The following TTLL7 variants were observed in gnomAD, a reference collection of about 807,000 sequenced individuals.
TTLL7 encodes the protein tubulin tyrosine ligase like 7.
TTLL7 carries 53 observed loss-of-function variants against 120.2 expected under a neutral mutation model. The observed-to-expected ratio is 0.44, with a 90% CI of 0.35 to 0.55. The LOEUF (loss-of-function observed/expected upper bound fraction) is 0.55, where lower values mean the gene tolerates loss of function less well. Among genes scored for constraint, TTLL7 ranks in the 20% least tolerant of loss-of-function variants. TTLL7 has a pLI of 0.00. For missense variants in TTLL7, 803 were observed against 1,054.7 expected (o/e 0.76, Z 3.31); for synonymous variants, 353 against 351.7 (o/e 1.00, Z -0.04).
intron 1 of TTLL7, among the ~76,000 whole-genome samples, chr1:83,986,825 G>A (rs539306586): frequency 5.4e-4 from 82 of 152,048 alleles, no homozygotes; most frequent in African/African-American, 1.4e-3. Context: ...GGGCAACAAA[G>A]CAAGACTCCA....
intron 1 of TTLL7, among the ~76,000 whole-genome samples, chr1:83,991,997 T>C (rs1191791199): frequency 1.3e-5 from 2 of 152,118 alleles, no homozygotes; most frequent in Non-Finnish European, 2.9e-5. Flanking sequence ...AAAACCATAT[T>C]CACTTTTAAT....
intron 10 of TTLL7, among the ~76,000 whole-genome samples, chr1:83,921,841 C>G (rs1263471228): frequency 6.6e-6 from 1 of 152,068 alleles, no homozygotes; most frequent in Non-Finnish European, 1.5e-5. Context: ...TTCTTCAACC[C>G]AATTCCATTT....
chr1:83,927,077 T>C (rs1035408739), intron 10 of TTLL7, among the ~76,000 whole-genome samples: 4 of 152,204 alleles, frequency 2.6e-5, no homozygotes, highest in Admixed American at 2.0e-4. Context: ...TCTGATGCCC[T>C]CCATGTGAGA....
chr1:83,909,708 T>C (rs904164709), intron 15 of TTLL7, among the ~76,000 whole-genome samples: 10 of 152,166 alleles, frequency 6.6e-5, no homozygotes, highest in African/African-American at 2.4e-4. Context: ...TTGTCTGATA[T>C]CAATTTGTTA....
intron 18 of TTLL7, among the ~76,000 whole-genome samples, chr1:83,899,134 A>G (rs1027932524): frequency 6.6e-6 from 1 of 151,938 alleles, no homozygotes; most frequent in Non-Finnish European, 1.5e-5. Context: ...ATATTAAAGT[A>G]GTTACTCATG....
intron 8 of TTLL7, among the ~76,000 whole-genome samples, chr1:83,936,270 C>A (rs1647386387): frequency 6.6e-6 from 1 of 152,110 alleles, no homozygotes; most frequent in Non-Finnish European, 1.5e-5. Context: ...TCTCTCTATA[C>A]ATGCCTCACC....
At position 83,865,479 on chromosome 1, in the gene TTLL7, T is replaced by C. The variant is rs1471021290; in HGVS notation, c.*4483A>G. ...TGTAGATAATACAGCGCAGTTAATG[T>C]AGAATGTGTAACTTGAGTAATTTTC... On this transcript the variant is annotated 3_prime_UTR_variant, in exon 21 of 21. Transcript: ENST00000260505. 6.6e-6 allele frequency: 1 copy of C among 152,014 alleles called. No homozygotes were observed. Among genetic ancestry groups the C allele is most frequent in the Non-Finnish European group, 1.5e-5 (1 of 67,902 alleles). The allele number at this position is 152,014 out of a possible 1,614,324, so 9.4% of individuals were successfully genotyped here.
intron 1 of TTLL7, among the ~76,000 whole-genome samples, chr1:83,995,247 A>G (rs1653377497): frequency 6.6e-6 from 1 of 151,914 alleles, no homozygotes; most frequent in Non-Finnish European, 1.5e-5. Flanking sequence ...CAAATTGAAC[A>G]CTGGGAATTG....
intron 1 of TTLL7, among the ~76,000 whole-genome samples, chr1:83,983,549 A>G (rs1459017387): frequency 1.3e-5 from 2 of 152,072 alleles, no homozygotes. Context: ...CCTAGCAAAC[A>G]CTGGCTTTGA....
At chr1:83,993,324 T>G (rs1653175359) in intron 1 of TTLL7, among the ~76,000 whole-genome samples, 1 of 152,216 alleles carries the variant, frequency 6.6e-6, no homozygotes. Flanking sequence ...AATGCTCAAT[T>G]TACTTTAAAA....
rs139424281 is a variant in TTLL7, at chr1:83,869,747, G to A, written c.*215C>T. 9.1e-4 allele frequency: 289 copies of A among 316,548 alleles called. 4 individuals are homozygous for A. In the East Asian group the frequency reaches 0.017, roughly 19 times the overall value. 19.6% of individuals were successfully genotyped at this position (316,548 alleles called of 1,614,324 possible). On this transcript the variant is annotated 3_prime_UTR_variant, in exon 21 of 21. Transcript: ENST00000260505. ...TTTATTACGTTTCCAGAAAGGTTAAGTCTTATATTCCATTTTCTGCTAATT... is the reference window on the plus strand; with the variant it reads ...TTTATTACGTTTCCAGAAAGGTTAAATCTTATATTCCATTTTCTGCTAATT...
At chr1:83,997,674 G>A (rs560198210) in intron 1 of TTLL7, among the ~76,000 whole-genome samples, 10 of 152,196 alleles carry the variant, frequency 6.6e-5, no homozygotes, top group South Asian at 2.1e-4. Flanking sequence ...TCTTAGTATG[G>A]GTTCACCTGT....
chr1:83,975,175 A>T (rs1010597079), intron 1 of TTLL7, among the ~76,000 whole-genome samples: 1 of 152,100 alleles, frequency 6.6e-6, no homozygotes, highest in Non-Finnish European at 1.5e-5. Context: ...CATACATTGC[A>T]CTATAGGCTT....
Position 83,937,890 on chromosome 1 carries a change from T to C in TTLL7, c.850A>G (p.Asn284Asp), listed in dbSNP as rs754094759. The C allele has an allele frequency of 6.2e-7, 1 of 1,614,050 alleles. No individual in the cohort carries two copies. The highest frequency in any genetic ancestry group is 8.5e-7 in the Non-Finnish European group (1 of 1,179,958). Residue 284 changes from asparagine (N) to aspartate (D), a missense_variant, in exon 8 of 21, where the codon AAT (asparagine) becomes GAT (aspartate). Physicochemically the swap from Asn to Asp is conservative, Grantham distance 23. Coordinates refer to ENST00000260505, the MANE Select transcript of TTLL7 (RefSeq NM_024686.6). ...CAAAACTTAGCAACATCATGTTGAT[T>C]TGCTTGAAGGAATTCTGTAAACCAT... ...IKWFTEFLQANQHDVAKFWSD... is the reference protein window; with the variant it reads ...IKWFTEFLQADQHDVAKFWSD...
chr1:83,912,221 T>C (rs939434875), intron 14 of TTLL7, among the ~76,000 whole-genome samples: 1 of 152,128 alleles, frequency 6.6e-6, no homozygotes, highest in Non-Finnish European at 1.5e-5. Flanking sequence ...TAATAGAGAA[T>C]GGAAGATCTG....
At chr1:83,911,524 CTATGCATTGATTG>C (rs760752607) in intron 14 of TTLL7, among the ~76,000 whole-genome samples, 161 bp from the exon 15 acceptor site, 4 of 152,082 alleles carry the variant, frequency 2.6e-5, no homozygotes, top group Non-Finnish European at 5.9e-5. Flanking sequence ...GCCTACAGTG[CTATGCATTGATTG>C]TTGTTTCTGC....
At chr1:83,904,577 G>A (rs879101163) in intron 17 of TTLL7, among the ~76,000 whole-genome samples, 4 of 152,114 alleles carry the variant, frequency 2.6e-5, no homozygotes, top group Non-Finnish European at 5.9e-5. Flanking sequence ...GGAGGTTGCA[G>A]TGAGCTGAGA....
At chr1:83,995,529 C>T (rs1653399395) in intron 1 of TTLL7, among the ~76,000 whole-genome samples, 1 of 151,966 alleles carries the variant, frequency 6.6e-6, no homozygotes, top group South Asian at 2.1e-4. Flanking sequence ...TGATTGGACG[C>T]TTCCTAAGGC....
rs564753120 is a variant in TTLL7, at chr1:83,934,515, G to A, written c.889-749C>T. Among the ~76,000 whole-genome samples, 4 of 152,316 alleles carry A rather than the reference G, an allele frequency of 2.6e-5. No individual in the cohort carries two copies. The East Asian group carries it at 7.7e-4, about 29-fold the overall frequency. Reference sequence around the variant, plus strand: ...TTTGTAGTGTATAAGTTTTATCTGAGAAGACTGTTACCAATTAAAAGACTG... The same window carrying A: ...TTTGTAGTGTATAAGTTTTATCTGAAAAGACTGTTACCAATTAAAAGACTG... On this transcript the variant is annotated intron_variant, in intron 8 of 20. Transcript: ENST00000260505.
Sources: gnomAD v4.1 joint callset for allele counts (sites outside exome capture counted in the v4.1 genomes callset) on GRCh38, gnomAD v4.1.1 for gene constraint, MANE v1.5 for transcripts, NCBI Gene and HGNC (gene_info 2026-07-23, HGNC 2026-07-21) for gene names.